Variants in WWOX observed in about 807,000 individuals in gnomAD.
The protein encoded by WWOX is WW domain containing oxidoreductase.
Under a neutral mutation model 46.2 loss-of-function variants are expected in WWOX, and 69 were observed. The observed-to-expected ratio is 1.49, with a 90% confidence interval of 1.23 to 1.82. The LOEUF is 1.82. WWOX is among the 40% of genes most tolerant of loss of function. WWOX has a pLI of 0.00. For missense variants in WWOX, 919 were observed against 542.6 expected, an observed-to-expected ratio of 1.69 and a Z score of -6.89; for synonymous variants, 359 against 202.6, an observed-to-expected ratio of 1.77 and a Z score of -6.56.
At chr16:78,658,047 T>C (rs2550633) in intron 8 of WWOX, among the ~76,000 whole-genome samples, 1 of 152,122 alleles carries the variant, frequency 6.6e-6, no homozygotes, top group Non-Finnish European at 1.5e-5. Flanking sequence ...GGAGATTCTT[T>C]GTTGGGGGGG....
At chr16:79,115,593 C>G (rs762217926) in intron 8 of WWOX, among the ~76,000 whole-genome samples, 1 of 152,222 alleles carries the variant, frequency 6.6e-6, no homozygotes, top group Non-Finnish European at 1.5e-5. Flanking sequence ...AAGCCCAGTT[C>G]TTCTCACAAA....
chr16:78,284,727 A>T (rs554825565), intron 5 of WWOX, among the ~76,000 whole-genome samples: 1 of 152,348 alleles, frequency 6.6e-6, no homozygotes, highest in South Asian at 2.1e-4. Flanking sequence ...AGTCCTTTGC[A>T]GAATTTCCTG....
chr16:78,755,924 G>A (rs1430108710), intron 8 of WWOX, among the ~76,000 whole-genome samples: 1 of 152,132 alleles, frequency 6.6e-6, no homozygotes, highest in African/African-American at 2.4e-5. Flanking sequence ...ACGCTATGAT[G>A]AGAAGAACAT....
At chr16:78,634,140 C>T (rs1293874566) in intron 8 of WWOX, among the ~76,000 whole-genome samples, 1 of 152,068 alleles carries the variant, frequency 6.6e-6, no homozygotes, top group African/African-American at 2.4e-5. Context: ...CCTTTTTGTA[C>T]ATTTGGAATA....
At chr16:79,183,426 T>G (rs920606766) in intron 8 of WWOX, among the ~76,000 whole-genome samples, 4 of 152,328 alleles carry the variant, frequency 2.6e-5, no homozygotes, top group Middle Eastern at 3.4e-3. Flanking sequence ...AGAACTGCCC[T>G]GTGAGCAGAC....
At chr16:78,364,128 C>G (rs144473495) in intron 5 of WWOX, among the ~76,000 whole-genome samples, 229 of 152,322 alleles carry the variant, frequency 1.5e-3, no homozygotes, top group African/African-American at 5.4e-3. Flanking sequence ...ATGTCGCTCT[C>G]TATCCGTAAC....
At chr16:78,605,671 C>T (rs1405471176) in intron 8 of WWOX, among the ~76,000 whole-genome samples, 1 of 152,198 alleles carries the variant, frequency 6.6e-6, no homozygotes, top group Non-Finnish European at 1.5e-5. Flanking sequence ...AACTCCGCCT[C>T]TCGTGCTTGG....
chr16:78,907,955 C>G (rs58447915), intron 8 of WWOX, among the ~76,000 whole-genome samples: 1 of 152,150 alleles, frequency 6.6e-6, no homozygotes, highest in African/African-American at 2.4e-5. Flanking sequence ...GGGGAGGAGG[C>G]TGGGATCAGT....
At chr16:78,138,095 T>G (rs1400023003) in intron 4 of WWOX, among the ~76,000 whole-genome samples, 1 of 150,666 alleles carries the variant, frequency 6.6e-6, no homozygotes, top group African/African-American at 2.5e-5. Flanking sequence ...GCCAACTGTC[T>G]AAATGGCTCG....
intron 8 of WWOX, among the ~76,000 whole-genome samples, chr16:79,189,938 G>C (rs147867624): frequency 5.3e-5 from 8 of 150,658 alleles, no homozygotes; most frequent in East Asian, 2.0e-4. Context: ...TGGGGAAGGG[G>C]GGGGGGATAA....
rs1228253564 is a variant in WWOX, at chr16:79,044,148, A to G, written c.1057-167460A>G. Among the ~76,000 whole-genome samples, 3 of 152,228 alleles carry G rather than the reference A, an allele frequency of 2.0e-5. No individual in the cohort carries two copies. The South Asian group carries it at 6.2e-4, about 32-fold the overall frequency. ...AAAGGAACACGTACTGGGAATCCCAAACAGCAAATGTTCACTGTGTTCAGG... is the reference window on the plus strand; with the variant it reads ...AAAGGAACACGTACTGGGAATCCCAGACAGCAAATGTTCACTGTGTTCAGG... On this transcript the variant is annotated intron_variant, in intron 8 of 8. Coordinates refer to ENST00000566780, the MANE Select transcript of WWOX (RefSeq NM_016373.4).
At chr16:78,922,015 C>A (rs1229370783) in intron 8 of WWOX, among the ~76,000 whole-genome samples, 1 of 152,204 alleles carries the variant, frequency 6.6e-6, no homozygotes, top group Non-Finnish European at 1.5e-5. Flanking sequence ...CTACCCATGA[C>A]ATCAGGACAG....
At chr16:78,287,505 AGCAAAACAACAGTATAT>A (rs2079788643) in intron 5 of WWOX, among the ~76,000 whole-genome samples, 3 of 152,222 alleles carry the variant, frequency 2.0e-5, no homozygotes. Context: ...ATCGTCATCA[AGCAAAACAACAGTATAT>A]GCTATCATCT....
At chr16:78,704,745 CTAT>C (rs2142305461) in intron 8 of WWOX, among the ~76,000 whole-genome samples, 1 of 152,186 alleles carries the variant, frequency 6.6e-6, no homozygotes, top group Non-Finnish European at 1.5e-5. Flanking sequence ...TGGAAATGCT[CTAT>C]TATTTTCTCC....
intron 8 of WWOX, among the ~76,000 whole-genome samples, chr16:79,044,722 C>T (rs946324122): frequency 1.3e-5 from 2 of 152,134 alleles, no homozygotes; most frequent in East Asian, 3.9e-4. Flanking sequence ...GGTCTCTGAG[C>T]AGGATTATTG....
At chr16:78,151,812 C>A (rs1567600786) in intron 4 of WWOX, among the ~76,000 whole-genome samples, 1 of 152,196 alleles carries the variant, frequency 6.6e-6, no homozygotes, top group South Asian at 2.1e-4. Flanking sequence ...TAACTCTCTC[C>A]TGCAGTAATC....
At chr16:78,618,598 G>T (rs1320178658) in intron 8 of WWOX, among the ~76,000 whole-genome samples, 1 of 152,150 alleles carries the variant, frequency 6.6e-6, no homozygotes, top group Non-Finnish European at 1.5e-5. Context: ...GTGAGGTACT[G>T]GGGGTTTGGG....
At chr16:79,158,610 G>A (rs149242404) in intron 8 of WWOX, among the ~76,000 whole-genome samples, 1 of 152,298 alleles carries the variant, frequency 6.6e-6, no homozygotes, top group Non-Finnish European at 1.5e-5. Flanking sequence ...CCAAGTTCCT[G>A]CATTCCCGCC....
chr16:78,201,858 C>T (rs918566438), intron 5 of WWOX, among the ~76,000 whole-genome samples: 2 of 151,924 alleles, frequency 1.3e-5, no homozygotes, highest in Non-Finnish European at 2.9e-5. Context: ...TGCCACCATG[C>T]CTGGCTAATT....
Sources: allele counts gnomAD v4.1 joint callset (sites outside exome capture counted in the v4.1 genomes callset), GRCh38; gene constraint gnomAD v4.1.1; transcripts MANE v1.5; gene names NCBI Gene and HGNC (gene_info 2026-07-23, HGNC 2026-07-21).